The following LRMDA variants were observed in gnomAD, a reference collection of about 807,000 sequenced individuals.
The protein encoded by LRMDA is leucine-rich melanocyte differentiation-associated protein.
In LRMDA, 18 loss-of-function variants were observed where a neutral mutation model predicts 29.8. The ratio of observed to expected loss-of-function variants is 0.60; its 90% CI spans 0.42 to 0.90. The LOEUF is 0.90. Among genes scored for constraint, LRMDA ranks in the 40% least tolerant of loss-of-function variants. LRMDA has a pLI of 0.00. For synonymous variants in LRMDA, 125 were observed against 109.4 expected (o/e 1.14, Z -0.89); for missense variants, 273 against 273.9 (o/e 1.00, Z 0.02).
chr10:75,981,933 T>A (rs1214215435), intron 2 of LRMDA, among the ~76,000 whole-genome samples: 2 of 151,672 alleles, frequency 1.3e-5, no homozygotes, highest in Non-Finnish European at 2.9e-5. Context: ...ATACACCAGG[T>A]ACAGCTGGTG....
At chr10:76,324,214 CT>C (rs1267495112) in intron 5 of LRMDA, among the ~76,000 whole-genome samples, 186 bp from the exon 6 acceptor site, 1 of 152,200 alleles carries the variant, frequency 6.6e-6, no homozygotes. Context: ...CCCCTCAAAG[CT>C]TTGGATCTTA....
rs151189455 is a variant in LRMDA at position 75,956,976 on chromosome 10, G to A, written c.132-79032G>A. 1.7e-4 allele frequency among the ~76,000 whole-genome samples: 26 copies of A among 152,302 alleles called. No homozygotes were observed. The East Asian group carries it at 4.6e-3, about 27-fold the overall frequency. On this transcript the variant is annotated intron_variant, in intron 2 of 6. Transcript: ENST00000611255. The stretch of plus-strand genomic sequence containing the variant: ...CACAACTGCTACCACTGAAATCTTT[G>A]CTTTGTTTGCCTTCTTTTACACTAA...
intron 5 of LRMDA, among the ~76,000 whole-genome samples, chr10:76,220,468 A>G (rs1377803046): frequency 6.6e-6 from 1 of 152,224 alleles, no homozygotes; most frequent in African/African-American, 2.4e-5. Flanking sequence ...AATACAAACT[A>G]CGATCAGAGA....
At position 75,739,936 on chromosome 10, in the gene LRMDA, A is replaced by G. The variant is rs550008130; in HGVS notation, c.132-296072A>G. Among the ~76,000 whole-genome samples the G allele has an allele frequency of 2.3e-4, 35 of 152,358 alleles. No homozygotes were observed. In the East Asian group the frequency reaches 6.0e-3, roughly 26 times the overall value. ...GTTTACAGCATGTTGCAAGTTTTAT[A>G]ACTCATGAGGTAGATCGGTAACTTT... On this transcript the variant is annotated intron_variant, in intron 2 of 6. Coordinates refer to ENST00000611255, the MANE Select transcript of LRMDA (RefSeq NM_001305581.2).
intron 5 of LRMDA, among the ~76,000 whole-genome samples, chr10:76,147,253 TCTC>T (rs1478814693): frequency 6.6e-6 from 1 of 152,210 alleles, no homozygotes; most frequent in African/African-American, 2.4e-5. Context: ...TTGGGGAAGT[TCTC>T]CTGGATAATA....
At chr10:75,829,507 T>C (rs1844303448) in intron 2 of LRMDA, among the ~76,000 whole-genome samples, 1 of 152,202 alleles carries the variant, frequency 6.6e-6, no homozygotes. Context: ...AATAATGTTT[T>C]TCTGATTTAT....
chr10:76,133,632 G>A (rs1444792194), intron 5 of LRMDA, among the ~76,000 whole-genome samples: 1 of 152,238 alleles, frequency 6.6e-6, no homozygotes, highest in Non-Finnish European at 1.5e-5. Context: ...CAGATCAGCT[G>A]CCTGGCTCCT....
intron 2 of LRMDA, among the ~76,000 whole-genome samples, chr10:75,707,005 C>T (rs559904155): frequency 6.6e-6 from 1 of 152,222 alleles, no homozygotes; most frequent in Non-Finnish European, 1.5e-5. Context: ...TTCCCTTCTG[C>T]ATACCCCTCT....
intron 5 of LRMDA, among the ~76,000 whole-genome samples, chr10:76,230,399 C>CA (rs544829295): frequency 1.1e-3 from 159 of 150,254 alleles, no homozygotes; most frequent in Non-Finnish European, 2.0e-3. Context: ...ACTGTAGTTT[C>CA]AAAAAAAAGT....
chr10:76,458,096 C>T (rs1478796267), intron 6 of LRMDA, among the ~76,000 whole-genome samples: 1 of 142,420 alleles, frequency 7.0e-6, no homozygotes, highest in Non-Finnish European at 1.5e-5. Flanking sequence ...TGGATCGAAG[C>T]TTGTTTTCTT....
At chr10:76,361,995 T>C (rs1323078104) in intron 6 of LRMDA, among the ~76,000 whole-genome samples, 1 of 152,190 alleles carries the variant, frequency 6.6e-6, no homozygotes, top group East Asian at 1.9e-4. Context: ...AGAAACATTA[T>C]TTAAAGCAGT....
chr10:76,463,917 A>AATTTTT (rs1554822479), intron 6 of LRMDA, among the ~76,000 whole-genome samples: 6 of 112,884 alleles, frequency 5.3e-5, no homozygotes, highest in Admixed American at 1.0e-4. Context: ...TGCAAAATAA[A>AATTTTT]TTTTTTTTTT....
chr10:76,247,854 G>A (rs570036031), intron 5 of LRMDA, among the ~76,000 whole-genome samples: 4 of 152,242 alleles, frequency 2.6e-5, no homozygotes, highest in South Asian at 4.2e-4. Flanking sequence ...AGTGCCTTCC[G>A]GAGGTTGAGA....
chr10:75,543,465 A>T (rs1271380747), intron 2 of LRMDA, among the ~76,000 whole-genome samples: 1 of 152,148 alleles, frequency 6.6e-6, no homozygotes, highest in East Asian at 1.9e-4. Flanking sequence ...AGAAAAAAAA[A>T]TGGAAGTGGG....
rs188215796 is a variant in LRMDA at position 75,754,114 on chromosome 10, A to C, written c.132-281894A>C. Reference sequence around the variant, plus strand: ...TTCCTGCTTCCAGCCAGCCCTGCCCAGGGAAGAAAAATCCTTCCATGCCTT... The same window carrying C: ...TTCCTGCTTCCAGCCAGCCCTGCCCCGGGAAGAAAAATCCTTCCATGCCTT... On this transcript the variant is annotated intron_variant, in intron 2 of 6. Transcript: ENST00000611255. Among the ~76,000 whole-genome samples the C allele has an allele frequency of 3.9e-5, 6 of 152,340 alleles. No homozygotes were observed. The East Asian group carries it at 1.2e-3, about 29-fold the overall frequency.
At chr10:76,002,614 T>G (rs1056437921) in intron 2 of LRMDA, among the ~76,000 whole-genome samples, 3 of 152,158 alleles carry the variant, frequency 2.0e-5, no homozygotes, top group South Asian at 4.1e-4. Flanking sequence ...ATTTACCCAG[T>G]CATGTGAGGG....
At chr10:76,441,265 C>G (rs1320295769) in intron 6 of LRMDA, among the ~76,000 whole-genome samples, 5 of 152,174 alleles carry the variant, frequency 3.3e-5, no homozygotes, top group Non-Finnish European at 5.9e-5. Context: ...GTTTCTAAAG[C>G]AAACAGAATA....
At chr10:76,540,124 CACAT>C (rs1424444096) in intron 6 of LRMDA, among the ~76,000 whole-genome samples, 6 of 151,018 alleles carry the variant, frequency 4.0e-5, no homozygotes, top group Non-Finnish European at 7.4e-5. Flanking sequence ...ACACACAACA[CACAT>C]ACAAACACCT....
intron 2 of LRMDA, among the ~76,000 whole-genome samples, chr10:75,517,486 A>G (rs1845304503): frequency 1.3e-5 from 2 of 152,068 alleles, no homozygotes; most frequent in African/African-American, 4.8e-5. Context: ...TTCATTCATG[A>G]TTTGGCTGTC....
Sources: gnomAD v4.1 joint callset for allele counts (sites outside exome capture counted in the v4.1 genomes callset) on GRCh38, gnomAD v4.1.1 for gene constraint, MANE v1.5 for transcripts, NCBI Gene and HGNC (gene_info 2026-07-23, HGNC 2026-07-21) for gene names.